The following ZHX3 variants were observed in gnomAD, a reference collection of about 807,000 sequenced individuals.
ZHX3 encodes the protein zinc fingers and homeoboxes protein 3.
A neutral mutation model predicts 64.5 loss-of-function variants in ZHX3; 20 were observed. The ratio of observed to expected loss-of-function variants is 0.31; its 90% CI spans 0.22 to 0.45. The LOEUF (loss-of-function observed/expected upper bound fraction) is 0.45, where lower values mean the gene tolerates loss of function less well. Ranked by LOEUF, ZHX3 falls within the 20% of genes least tolerant of loss-of-function variation. The probability of loss-of-function intolerance (pLI) is 1.00; values close to 1 mark genes in which losing one functional copy is unlikely to be tolerated. For missense variants in ZHX3, 1,041 were observed against 1,195.8 expected, an observed-to-expected ratio of 0.87 and a Z score of 1.91; for synonymous variants, 423 against 461.6, an observed-to-expected ratio of 0.92 and a Z score of 1.07.
intron 1 of ZHX3, among the ~76,000 whole-genome samples, chr20:41,304,282 T>G (rs1372327016): frequency 6.6e-6 from 1 of 152,152 alleles, no homozygotes; most frequent in Non-Finnish European, 1.5e-5. Flanking sequence ...TAACTTCAAC[T>G]GACAGCTACA....
chr20:41,202,478 T>A lies in ZHX3; in HGVS notation c.2439A>T (p.Gly813=). 1.9e-6 allele frequency: 3 copies of A among 1,614,126 alleles called. No homozygotes were observed. In the South Asian group the frequency reaches 3.3e-5, roughly 18 times the overall value. Residue 813 remains glycine, a synonymous_variant, in exon 3 of 4, where the codon GGA becomes GGT. Coordinates refer to ENST00000683867, the MANE Select transcript of ZHX3 (RefSeq NM_001384317.1). The surrounding 1 kb of genome is among the most constrained non-coding windows in gnomAD (Gnocchi z 7.0). The part of the protein sequence containing the change: ...LPRPEVVRWF[G]DSRYALKNGQ... ...CGTTCTTCAGTGCGTACCTGCTATC[T>A]CCAAACCAGCGCACCACCTCTGGCC... is the stretch of plus-strand genomic sequence containing the variant.
intron 1 of ZHX3, among the ~76,000 whole-genome samples, chr20:41,289,051 G>A (rs1392168852): frequency 1.3e-5 from 2 of 152,034 alleles, no homozygotes; most frequent in East Asian, 1.9e-4. Context: ...ATGCAGTGGC[G>A]CAATCATGGC....
At chr20:41,311,339 A>G (rs964187401) in intron 1 of ZHX3, among the ~76,000 whole-genome samples, 3 of 152,108 alleles carry the variant, frequency 2.0e-5, no homozygotes, top group Non-Finnish European at 4.4e-5. Context: ...ATTTTTCTCC[A>G]TTTACAGCTG....
intron 2 of ZHX3, among the ~76,000 whole-genome samples, chr20:41,222,612 A>G (rs1004143577): frequency 1.2e-4 from 18 of 152,344 alleles, no homozygotes; most frequent in Non-Finnish European, 2.1e-4. Context: ...CTAGGGTATT[A>G]TAAGAGCCAA....
chr20:41,209,643 T>A (rs558044111), intron 2 of ZHX3, among the ~76,000 whole-genome samples: 1 of 152,206 alleles, frequency 6.6e-6, no homozygotes, highest in African/African-American at 2.4e-5. Context: ...GCTAGCCATA[T>A]GCAGAAAGCT....
intron 2 of ZHX3, among the ~76,000 whole-genome samples, chr20:41,225,523 T>G (rs1394402700): frequency 5.3e-5 from 8 of 152,238 alleles, no homozygotes; most frequent in Non-Finnish European, 1.2e-4. Flanking sequence ...GTCTCACTCT[T>G]GTCGCTCAGG....
At chr20:41,220,448 G>C (rs922362558) in intron 2 of ZHX3, among the ~76,000 whole-genome samples, 1 of 152,142 alleles carries the variant, frequency 6.6e-6, no homozygotes, top group Non-Finnish European at 1.5e-5. Flanking sequence ...CCGAAGCTTT[G>C]GGGACCCTCA....
At chr20:41,260,528 A>G (rs1023601005) in intron 2 of ZHX3, among the ~76,000 whole-genome samples, 1 of 152,238 alleles carries the variant, frequency 6.6e-6, no homozygotes, top group African/African-American at 2.4e-5. Flanking sequence ...TAAAAACTTG[A>G]GGGAATACAA....
chr20:41,231,023 A>C (rs1015611077), intron 2 of ZHX3, among the ~76,000 whole-genome samples: 2 of 152,136 alleles, frequency 1.3e-5, no homozygotes, highest in East Asian at 3.8e-4. Context: ...CTGCCTGTTC[A>C]TCCCTCCCTC....
chr20:41,280,575 T>C (rs1010829222), intron 1 of ZHX3, among the ~76,000 whole-genome samples: 1 of 152,040 alleles, frequency 6.6e-6, no homozygotes, highest in Non-Finnish European at 1.5e-5. Flanking sequence ...GTTTTTCTGT[T>C]TTTTTGTTTT....
intron 2 of ZHX3, among the ~76,000 whole-genome samples, chr20:41,217,915 T>C (rs1239596664): frequency 2.0e-5 from 3 of 152,228 alleles, no homozygotes; most frequent in Non-Finnish European, 4.4e-5. Context: ...ATACATCCAC[T>C]ACCTGTAACT....
At chr20:41,300,016 A>G (rs2044742391) in intron 1 of ZHX3, 1 of 152,180 alleles carries the variant, frequency 6.6e-6, no homozygotes, top group African/African-American at 2.4e-5. Context: ...CTTCACCACA[A>G]TGAGTTGGGT....
intron 2 of ZHX3, among the ~76,000 whole-genome samples, chr20:41,234,196 G>A (rs2040811956): frequency 6.6e-6 from 1 of 152,106 alleles, no homozygotes; most frequent in South Asian, 2.1e-4. Flanking sequence ...TGCAATTGTG[G>A]GTACAAGATT....
intron 2 of ZHX3, among the ~76,000 whole-genome samples, chr20:41,253,376 A>G (rs2146520248): frequency 6.6e-6 from 1 of 152,296 alleles, no homozygotes; most frequent in Middle Eastern, 3.4e-3. Context: ...TGAATAATGT[A>G]TCACTTATAA....
At chr20:41,240,396 TA>T (rs2041300760) in intron 2 of ZHX3, among the ~76,000 whole-genome samples, 1 of 152,206 alleles carries the variant, frequency 6.6e-6, no homozygotes, top group African/African-American at 2.4e-5. Context: ...ACCCCTTTTT[TA>T]ATGTTTATTT....
intron 2 of ZHX3, among the ~76,000 whole-genome samples, chr20:41,261,738 T>C (rs772951226): frequency 1.4e-4 from 21 of 152,232 alleles, no homozygotes; most frequent in South Asian, 1.0e-3. Flanking sequence ...TTTCTGTACA[T>C]GCTGTACTTG....
At chr20:41,314,735 G>T (rs1196627396) in intron 1 of ZHX3, among the ~76,000 whole-genome samples, 1 of 152,174 alleles carries the variant, frequency 6.6e-6, no homozygotes, top group African/African-American at 2.4e-5. Flanking sequence ...AGATGAGAAA[G>T]AAATATCCTG....
At chr20:41,273,593 C>T (rs373705848) in intron 1 of ZHX3, among the ~76,000 whole-genome samples, 2 of 152,112 alleles carry the variant, frequency 1.3e-5, no homozygotes, top group South Asian at 2.1e-4. Context: ...TGTACCTGCA[C>T]CATTTGTTAA....
rs1177522089 is a variant in ZHX3 at position 41,205,119 on chromosome 20, T to A, written c.-150-53A>T. 4.7e-6 allele frequency: 4 copies of A among 856,302 alleles called. No homozygotes were observed. The Admixed American group carries it at 1.5e-4, about 32-fold the overall frequency. The allele number at this position is 856,302 out of a possible 1,614,324, so 53.0% of individuals were successfully genotyped here. ...AGTTCTCTTAAGTGCTTTCTGTATATTTCTCGGATACCCAGACACATTCCA... is the reference window on the plus strand; with the variant it reads ...AGTTCTCTTAAGTGCTTTCTGTATAATTCTCGGATACCCAGACACATTCCA... On this transcript the variant is annotated intron_variant, in intron 2 of 3. Transcript: ENST00000683867.
Sources: allele counts gnomAD v4.1 joint callset (sites outside exome capture counted in the v4.1 genomes callset), GRCh38; gene constraint gnomAD v4.1.1; non-coding constraint Gnocchi (gnomAD v3.1); transcripts MANE v1.5; gene names NCBI Gene and HGNC (gene_info 2026-07-23, HGNC 2026-07-21).